Variants in PRKAR1A observed in about 807,000 individuals in gnomAD.
PRKAR1A encodes cAMP-dependent protein kinase type I-alpha regulatory subunit.
Under a neutral mutation model 52.0 loss-of-function variants are expected in PRKAR1A, and 3 were observed. The ratio of observed to expected loss-of-function variants is 0.06; its 90% CI spans 0.03 to 0.15. The LOEUF is 0.15. Ranked by LOEUF, PRKAR1A falls within the 10% of genes least tolerant of loss-of-function variation. The pLI is 1.00. For synonymous variants in PRKAR1A, 188 were observed against 168.4 expected, an observed-to-expected ratio of 1.12 and a Z score of -0.90; for missense variants, 240 against 477.4, an observed-to-expected ratio of 0.50 and a Z score of 4.63.
the PRKAR1A span, chr17:68,444,623 C>T: frequency 6.9e-5 from 109 of 1,574,984 alleles, no homozygotes; most frequent in Non-Finnish European, 9.3e-5. Flanking sequence ...TCTACCGAAC[C>T]GTTCCTTACA....
chr17:68,462,028 C>G, the PRKAR1A span, among the ~76,000 whole-genome samples: 2 of 152,158 alleles, frequency 1.3e-5, no homozygotes, highest in South Asian at 4.1e-4. Context: ...CCAAATGGAA[C>G]CATTATTTCT....
chr17:68,422,762 G>T, the PRKAR1A span: 1 of 149,776 alleles, frequency 6.7e-6, no homozygotes, highest in African/African-American at 2.5e-5. Flanking sequence ...AAAAGGGAAG[G>T]TCAGTTTATA....
rs895322852 is a variant in PRKAR1A, at chr17:68,531,942, G to T, written c.*1493G>T. ...ACTGCAAGCATTTTTCCATCTGTGTGCAACTAACTGACTCTGTTATTGATC... is the reference window on the plus strand; with the variant it reads ...ACTGCAAGCATTTTTCCATCTGTGTTCAACTAACTGACTCTGTTATTGATC... On this transcript the variant is annotated 3_prime_UTR_variant, in exon 11 of 11. Coordinates refer to ENST00000589228, the MANE Select transcript of PRKAR1A (RefSeq NM_002734.5). The T allele has an allele frequency of 9.4e-6, 10 of 1,065,550 alleles. No individual in the cohort carries two copies. In the Admixed American group the frequency reaches 2.7e-4, roughly 28 times the overall value. 66.0% of individuals were successfully genotyped at this position (1,065,550 alleles called of 1,614,324 possible).
At chr17:68,420,297 G>A in the PRKAR1A span, 70 of 1,614,134 alleles carry the variant, frequency 4.3e-5, 1 homozygote, top group African/African-American at 8.8e-4. Flanking sequence ...CTAGAAAGAG[G>A]TGGTGCGGAG....
intron 11 of PRKAR1A, among the ~76,000 whole-genome samples, chr17:68,543,051 A>G (rs2086380874): frequency 6.6e-6 from 1 of 152,124 alleles, no homozygotes; most frequent in Admixed American, 6.5e-5. Context: ...CTCCTGGGCA[A>G]ACCTTCCCAC....
chr17:68,437,180 G>A, the PRKAR1A span, among the ~76,000 whole-genome samples: 70 of 152,050 alleles, frequency 4.6e-4, no homozygotes, highest in Non-Finnish European at 7.5e-4. Context: ...GTACATATTG[G>A]TCTTTCTGCA....
At chr17:68,524,857 G>A (rs1405903944) in intron 5 of PRKAR1A, 55 bp from the exon 6 acceptor site, 1 of 1,359,124 alleles carries the variant, frequency 7.4e-7, no homozygotes, top group Non-Finnish European at 1.1e-6. Context: ...TAATAATTTT[G>A]ATAATTTCTT....
the PRKAR1A span, among the ~76,000 whole-genome samples, chr17:68,446,651 A>T: frequency 1.3e-5 from 2 of 152,196 alleles, no homozygotes; most frequent in Non-Finnish European, 2.9e-5. Context: ...CGTGGTTAGA[A>T]CTACGTGGTT....
chr17:68,440,394 G>T, the PRKAR1A span, among the ~76,000 whole-genome samples: 2 of 152,140 alleles, frequency 1.3e-5, no homozygotes, highest in African/African-American at 4.8e-5. Flanking sequence ...TCTGTTACAG[G>T]TGTTACACAA....
chr17:68,421,894 CTGTG>C, the PRKAR1A span: 1 of 1,594,410 alleles, frequency 6.3e-7, no homozygotes, highest in Non-Finnish European at 8.6e-7. Context: ...ATCAACAGGT[CTGTG>C]CCCATGCAGA....
chr17:68,548,524 T>C (rs928579849), intron 11 of PRKAR1A, among the ~76,000 whole-genome samples: 15 of 151,204 alleles, frequency 9.9e-5, no homozygotes, highest in Non-Finnish European at 1.3e-4. Context: ...AGTGAGACTC[T>C]GTCTCAAAAA....
chr17:68,453,017 GA>G, the PRKAR1A span: 1 of 1,581,628 alleles, frequency 6.3e-7, no homozygotes, highest in Non-Finnish European at 8.7e-7. Flanking sequence ...GACAGCATGG[GA>G]ATAACGACAG....
chr17:68,492,293 C>A, the PRKAR1A span, among the ~76,000 whole-genome samples: 76 of 152,112 alleles, frequency 5.0e-4, no homozygotes, highest in South Asian at 0.016. Context: ...CAGAGGACAC[C>A]CCAGATATTG....
intron 11 of PRKAR1A, among the ~76,000 whole-genome samples, chr17:68,538,596 C>T (rs1047920502): frequency 1.3e-5 from 2 of 152,214 alleles, no homozygotes; most frequent in Non-Finnish European, 2.9e-5. Context: ...CAAGGGCCTT[C>T]GTGCCTTCTT....
the PRKAR1A span, among the ~76,000 whole-genome samples, chr17:68,432,096 GA>G: frequency 6.6e-6 from 1 of 152,118 alleles, no homozygotes; most frequent in Non-Finnish European, 1.5e-5. Context: ...AGAGTAAAAA[GA>G]ACCTCAGGAC....
chr17:68,535,800 C>T (rs984999298), downstream of PRKAR1A: 5 of 453,520 alleles, frequency 1.1e-5, no homozygotes, highest in Admixed American at 1.2e-4. Context: ...TGAGCCCATG[C>T]CCAGCTGATT....
rs1431068317 is a variant in PRKAR1A at position 68,527,889 on chromosome 17, T to C, written c.758T>C (p.Val253Ala). The change falls in exon 8 of 11, where the codon GTC becomes GCC. Residue 253 changes from valine to alanine, a missense_variant. This residue lies in a region of PRKAR1A where 107 missense variants were observed against 290.9 expected (regional missense o/e 0.37). Transcript: ENST00000589228. ...ATGTATGAGGAATTCCTTAGTAAAG[T>C]CTCTATTTTAGGTGAGTTGTAAAGT... ...RKMYEEFLSK[V>A]SILESLDKWE... 1 of 1,611,494 alleles carries C rather than the reference T, an allele frequency of 6.2e-7. No individual in the cohort carries two copies. The highest frequency in any genetic ancestry group is 1.3e-5 in the African/African-American group (1 of 74,908).
chr17:68,468,194 G>C, the PRKAR1A span, among the ~76,000 whole-genome samples: 1 of 152,168 alleles, frequency 6.6e-6, no homozygotes, highest in African/African-American at 2.4e-5. Context: ...CTGAGGACCA[G>C]AAACTTTGGT....
chr17:68,545,375 G>A (rs555646990), intron 11 of PRKAR1A, among the ~76,000 whole-genome samples: 1 of 152,316 alleles, frequency 6.6e-6, no homozygotes, highest in South Asian at 2.1e-4. Flanking sequence ...TGGCAATAAA[G>A]TCATTCATGC....
Sources: gnomAD v4.1 joint callset for allele counts (sites outside exome capture counted in the v4.1 genomes callset) on GRCh38, gnomAD v4.1.1 for gene constraint, gnomAD v4.1.1 regional missense constraint, MANE v1.5 for transcripts, NCBI Gene and HGNC (gene_info 2026-07-23, HGNC 2026-07-21) for gene names.